SH3BGRL2: variants seen among roughly 807,000 people sequenced by gnomAD.
SH3BGRL2 encodes the protein SH3 domain-binding glutamic acid-rich-like protein 2.
SH3BGRL2 carries 21 observed loss-of-function variants against 14.8 expected under a neutral mutation model. The ratio of observed to expected loss-of-function variants is 1.42; its 90% CI spans 1.01 to 2.05. The LOEUF (loss-of-function observed/expected upper bound fraction) is 2.05, where lower values mean the gene tolerates loss of function less well. Ranked by LOEUF, SH3BGRL2 falls within the 30% of genes most tolerant of loss-of-function variation. The probability of loss-of-function intolerance (pLI) is 0.00; values close to 1 mark genes in which losing one functional copy is unlikely to be tolerated. For missense variants in SH3BGRL2, 147 were observed against 130.8 expected, an observed-to-expected ratio of 1.12 and a Z score of -0.61; for synonymous variants, 50 against 47.8, an observed-to-expected ratio of 1.05 and a Z score of -0.19.
chr6:79,632,478 G>A (rs1768843736), intron 1 of SH3BGRL2, among the ~76,000 whole-genome samples: 1 of 152,146 alleles, frequency 6.6e-6, no homozygotes, highest in African/African-American at 2.4e-5. Flanking sequence ...GTGCATTGTA[G>A]ATTGCTTAAA....
upstream of SH3BGRL2, chr6:79,631,321 AG>A: frequency 1.5e-6 from 1 of 676,286 alleles, no homozygotes. Flanking sequence ...ACCCGCCGGG[AG>A]GGAGCCAGAT....
At chr6:79,563,806 G>A in the SH3BGRL2 span, among the ~76,000 whole-genome samples, 10 of 152,178 alleles carry the variant, frequency 6.6e-5, no homozygotes, top group Non-Finnish European at 1.3e-4. Flanking sequence ...GCTAATCAAT[G>A]AATATGCTTT....
At chr6:79,555,672 G>A in the SH3BGRL2 span, among the ~76,000 whole-genome samples, 1 of 152,038 alleles carries the variant, frequency 6.6e-6, no homozygotes, top group Admixed American at 6.5e-5. Context: ...ACCATGCCCA[G>A]CTAATTTTTG....
chr6:79,560,867 C>CTTT, the SH3BGRL2 span, among the ~76,000 whole-genome samples: 58 of 45,782 alleles, frequency 1.3e-3, 9 homozygotes, highest in African/African-American at 4.9e-3. Context: ...ACAATACACT[C>CTTT]TTTTTTTTTT....
At chr6:79,566,800 A>T in the SH3BGRL2 span, among the ~76,000 whole-genome samples, 1 of 151,714 alleles carries the variant, frequency 6.6e-6, no homozygotes. Context: ...AAAACGCTGA[A>T]GTGGAAGGAT....
the SH3BGRL2 span, among the ~76,000 whole-genome samples, chr6:79,591,728 A>C: frequency 5.9e-5 from 9 of 152,152 alleles, no homozygotes; most frequent in African/African-American, 2.2e-4. Flanking sequence ...ATTTTTTCAT[A>C]CCAAAGGAGT....
chr6:79,654,421 T>C (rs1231072585), intron 1 of SH3BGRL2, among the ~76,000 whole-genome samples: 1 of 152,192 alleles, frequency 6.6e-6, no homozygotes, highest in East Asian at 1.9e-4. Flanking sequence ...TTCAGAATCT[T>C]TGTTTTGATT....
At chr6:79,653,762 A>G (rs1287047643) in intron 1 of SH3BGRL2, among the ~76,000 whole-genome samples, 2 of 152,138 alleles carry the variant, frequency 1.3e-5, no homozygotes, top group Non-Finnish European at 2.9e-5. Flanking sequence ...ACCGACAAAG[A>G]TTTGGAAAGC....
chr6:79,611,865 G>A, the SH3BGRL2 span, among the ~76,000 whole-genome samples: 1,476 of 152,276 alleles, frequency 9.7e-3, 18 homozygotes, highest in Non-Finnish European at 0.014. Context: ...CTTGTTATCT[G>A]TAAAACAGGC....
At chr6:79,605,668 A>G in the SH3BGRL2 span, among the ~76,000 whole-genome samples, 1 of 152,250 alleles carries the variant, frequency 6.6e-6, no homozygotes, top group African/African-American at 2.4e-5. Context: ...TTGGACAAAC[A>G]TTTTTATTAT....
chr6:79,606,405 T>A, the SH3BGRL2 span, among the ~76,000 whole-genome samples: 1 of 152,228 alleles, frequency 6.6e-6, no homozygotes, highest in East Asian at 1.9e-4. Context: ...ATACCCTTCC[T>A]GGAAGAATTT....
At chr6:79,665,055 C>T (rs1453618851) in intron 1 of SH3BGRL2, among the ~76,000 whole-genome samples, 4 of 152,250 alleles carry the variant, frequency 2.6e-5, no homozygotes, top group Admixed American at 2.6e-4. Flanking sequence ...CGAAAATTAG[C>T]AAGGCGTCGT....
intron 1 of SH3BGRL2, among the ~76,000 whole-genome samples, chr6:79,650,041 A>G (rs1172948117): frequency 2.0e-5 from 3 of 149,440 alleles, no homozygotes; most frequent in Non-Finnish European, 4.4e-5. Context: ...TCCTTTGTTA[A>G]TTTCTTCACT....
At chr6:79,692,186 C>T (rs1238529112) in intron 2 of SH3BGRL2, among the ~76,000 whole-genome samples, 17 of 152,162 alleles carry the variant, frequency 1.1e-4, no homozygotes, top group African/African-American at 3.6e-4. Context: ...ATCCTTCGCC[C>T]ACTTTTTGAT....
chr6:79,547,940 A>G, the SH3BGRL2 span, among the ~76,000 whole-genome samples: 1 of 152,184 alleles, frequency 6.6e-6, no homozygotes, highest in African/African-American at 2.4e-5. Context: ...ATCACAGCTC[A>G]CTGCAGCCTT....
intron 1 of SH3BGRL2, among the ~76,000 whole-genome samples, chr6:79,637,840 A>G (rs1582712667): frequency 6.6e-6 from 1 of 152,344 alleles, no homozygotes; most frequent in East Asian, 1.9e-4. Context: ...AAAAACATAT[A>G]TGATAATGTT....
chr6:79,553,732 GA>G, the SH3BGRL2 span, among the ~76,000 whole-genome samples: 2 of 152,148 alleles, frequency 1.3e-5, no homozygotes, highest in African/African-American at 4.8e-5. Context: ...AGCACTTGGG[GA>G]GGCTAAGGTG....
At chr6:79,590,424 GATATATATAT>G in the SH3BGRL2 span, among the ~76,000 whole-genome samples, 895 of 66,668 alleles carry the variant, frequency 0.013, 16 homozygotes, top group East Asian at 0.022. Context: ...AAGAAAATGT[GATATATATAT>G]ATATATATAT....
At chr6:79,578,902 G>GA in the SH3BGRL2 span, among the ~76,000 whole-genome samples, 1 of 152,056 alleles carries the variant, frequency 6.6e-6, no homozygotes, top group Non-Finnish European at 1.5e-5. Context: ...TAAAAACCTT[G>GA]AAAAAAGATT....
Sources: gnomAD v4.1 joint callset for allele counts (sites outside exome capture counted in the v4.1 genomes callset) on GRCh38, gnomAD v4.1.1 for gene constraint, MANE v1.5 for transcripts, NCBI Gene and HGNC (gene_info 2026-07-23, HGNC 2026-07-21) for gene names.